Variants in AHI1 observed in about 807,000 individuals in gnomAD.
AHI1 encodes jouberin.
A neutral mutation model predicts 149.3 loss-of-function variants in AHI1; 123 were observed. The ratio of observed to expected loss-of-function variants is 0.82; its 90% confidence interval spans 0.71 to 0.96. The LOEUF is 0.96. AHI1 is among the 40% of genes least tolerant of loss of function. The pLI is 0.00. For missense variants in AHI1, 1,439 were observed against 1,422.7 expected (o/e 1.01, Z -0.18); for synonymous variants, 475 against 459.8 (o/e 1.03, Z -0.42).
chr6:135,490,766 T>C lies in AHI1; in HGVS notation c.11-19A>G, dbSNP rs945855139. 3 of 1,610,108 alleles carry C rather than the reference T, an allele frequency of 1.9e-6. No individual in the cohort carries two copies. The highest frequency in any genetic ancestry group is 1.7e-6 in the Non-Finnish European group (2 of 1,178,382). Reference sequence around the variant, plus strand: ...CTCTCAGCTACAAAAGATACAGCCATGTGATTTTGTAAATGACTCTATCAT... The same window carrying C: ...CTCTCAGCTACAAAAGATACAGCCACGTGATTTTGTAAATGACTCTATCAT... On this transcript the variant is annotated intron_variant, in intron 4 of 28. Transcript: ENST00000265602.
At chr6:135,396,424 A>G (rs1024292341) in intron 22 of AHI1, among the ~76,000 whole-genome samples, 2 of 151,864 alleles carry the variant, frequency 1.3e-5, no homozygotes, top group Non-Finnish European at 1.5e-5. Context: ...CGGGTATCAT[A>G]AAGTGCTATT....
chr6:135,454,806 A>G (rs1004483286), intron 10 of AHI1, among the ~76,000 whole-genome samples: 1 of 152,232 alleles, frequency 6.6e-6, no homozygotes, highest in Admixed American at 6.5e-5. Context: ...GATACAAATT[A>G]TATCAATTTT....
At chr6:135,358,510 G>C (rs1793346807) in intron 23 of AHI1, among the ~76,000 whole-genome samples, 1 of 152,148 alleles carries the variant, frequency 6.6e-6, no homozygotes, top group South Asian at 2.1e-4. Context: ...TTCCATGAAA[G>C]TTTTATTTCT....
chr6:135,295,381 T>C (rs1292058051), intron 27 of AHI1, among the ~76,000 whole-genome samples: 1 of 152,210 alleles, frequency 6.6e-6, no homozygotes, highest in African/African-American at 2.4e-5. Context: ...ACCAACTATA[T>C]AGTCCAGCCA....
chr6:135,318,720 T>C, intron 25 of AHI1, 104 bp from the exon 26 acceptor site: 1 of 650,534 alleles, frequency 1.5e-6, no homozygotes, highest in Non-Finnish European at 2.5e-6. Context: ...GAAATCGATA[T>C]TCAATTCCTT....
At chr6:135,452,541 G>C (rs141093037) in intron 11 of AHI1, among the ~76,000 whole-genome samples, 40 of 152,158 alleles carry the variant, frequency 2.6e-4, no homozygotes, top group African/African-American at 8.9e-4. Flanking sequence ...CCACATAACA[G>C]AGTATATATC....
chr6:135,444,674 G>A (rs1786881199), intron 13 of AHI1, among the ~76,000 whole-genome samples: 1 of 152,050 alleles, frequency 6.6e-6, no homozygotes, highest in Non-Finnish European at 1.5e-5. Flanking sequence ...CATTTTTTTG[G>A]AGGCTATTTG....
intron 28 of AHI1, among the ~76,000 whole-genome samples, 182 bp downstream of exon 28, chr6:135,290,241 G>A (rs1782168445): frequency 6.6e-6 from 1 of 151,798 alleles, no homozygotes; most frequent in African/African-American, 2.4e-5. Context: ...ATGCTTCCAG[G>A]TTTCTCCATC....
chr6:135,415,433 G>T (rs559703135), intron 20 of AHI1, among the ~76,000 whole-genome samples: 3 of 152,300 alleles, frequency 2.0e-5, no homozygotes, highest in South Asian at 4.1e-4. Flanking sequence ...CCCACCAACA[G>T]TGTAAAAGTG....
At position 135,477,275 on chromosome 6, in the gene AHI1, C is replaced by T. The variant is rs372801268; in HGVS notation, c.136-9641G>A. Among the ~76,000 whole-genome samples, 13 of 152,160 alleles carry T rather than the reference C, an allele frequency of 8.5e-5. 1 individual carries two copies. Among genetic ancestry groups the T allele is most frequent in the South Asian group, 2.1e-4 (1 of 4,818 alleles). On this transcript the variant is annotated intron_variant, in intron 5 of 28. Transcript: ENST00000265602. ...CAGGATGGTCTCTATCTCCTGACCT[C>T]GTGATCCACTCGCCTCGGCCTCCCA...
intron 15 of AHI1, among the ~76,000 whole-genome samples, chr6:135,437,872 T>C (rs1305583022): frequency 6.6e-6 from 1 of 152,192 alleles, no homozygotes; most frequent in Non-Finnish European, 1.5e-5. Context: ...ACTTATTAAA[T>C]TGAAAAGGGA....
At chr6:135,322,691 A>G (rs1787051209) in intron 25 of AHI1, among the ~76,000 whole-genome samples, 1 of 152,114 alleles carries the variant, frequency 6.6e-6, no homozygotes, top group Non-Finnish European at 1.5e-5. Flanking sequence ...TTCCCCCATA[A>G]ATGAGGGCTA....
chr6:135,368,324 A>T (rs577814810), intron 23 of AHI1, among the ~76,000 whole-genome samples: 1 of 152,294 alleles, frequency 6.6e-6, no homozygotes, highest in African/African-American at 2.4e-5. Flanking sequence ...GTTGGTTTCC[A>T]GCCAGAAGGT....
At position 135,414,805 on chromosome 6, in the gene AHI1, T is replaced by A. The variant is rs897626547; in HGVS notation, c.2765-3261A>T. ...GGCCATTTCTTTTTTTAAATTTTTT[T>A]ATTTATTTTTATTTTATTATTATTA... On this transcript the variant is annotated intron_variant, in intron 20 of 28. Coordinates refer to ENST00000265602, the MANE Select transcript of AHI1 (RefSeq NM_001134831.2). 1.1e-4 allele frequency among the ~76,000 whole-genome samples: 16 copies of A among 151,906 alleles called. 1 individual carries two copies. Among genetic ancestry groups the A allele is most frequent in the South Asian group, 6.2e-4 (3 of 4,828 alleles).
At chr6:135,393,015 G>A (rs1778731169) in intron 23 of AHI1, among the ~76,000 whole-genome samples, 1 of 152,122 alleles carries the variant, frequency 6.6e-6, no homozygotes, top group Non-Finnish European at 1.5e-5. Context: ...CTTAAAATGA[G>A]GTTAGACATA....
intron 23 of AHI1, among the ~76,000 whole-genome samples, chr6:135,389,436 C>A (rs748014234): frequency 6.6e-6 from 1 of 151,598 alleles, no homozygotes; most frequent in Non-Finnish European, 1.5e-5. Context: ...TTGTTTAAAT[C>A]AAATATTTTC....
At chr6:135,456,606 C>G (rs1319411578) in intron 9 of AHI1, among the ~76,000 whole-genome samples, 1 of 151,896 alleles carries the variant, frequency 6.6e-6, no homozygotes, top group Non-Finnish European at 1.5e-5. Flanking sequence ...ACTGTAAACC[C>G]TTTGAGTTGT....
chr6:135,376,793 A>C (rs1160015443), intron 23 of AHI1, among the ~76,000 whole-genome samples: 1 of 147,090 alleles, frequency 6.8e-6, no homozygotes, highest in African/African-American at 2.5e-5. Flanking sequence ...GAGGCAGGAG[A>C]ATCACCTGAA....
intron 21 of AHI1, among the ~76,000 whole-genome samples, chr6:135,405,207 G>C (rs1780591000): frequency 6.6e-6 from 1 of 152,078 alleles, no homozygotes; most frequent in Non-Finnish European, 1.5e-5. Context: ...ACTCCCGAGG[G>C]CTCACAGGTT....
Sources: gnomAD v4.1 joint callset for allele counts (sites outside exome capture counted in the v4.1 genomes callset) on GRCh38, gnomAD v4.1.1 for gene constraint, MANE v1.5 for transcripts, NCBI Gene and HGNC (gene_info 2026-07-23, HGNC 2026-07-21) for gene names.